The following BACE2 variants were observed in gnomAD, a reference collection of about 807,000 sequenced individuals.
The protein encoded by BACE2 is beta-secretase 2.
A neutral mutation model predicts 46.2 loss-of-function variants in BACE2; 17 were observed. That is an observed-to-expected ratio of 0.37 (90% CI 0.25 to 0.55). The LOEUF is 0.55. BACE2 is among the 20% of genes least tolerant of loss of function. The pLI is 0.82. For missense variants in BACE2, 595 were observed against 698.1 expected, an observed-to-expected ratio of 0.85 and a Z score of 1.66; for synonymous variants, 277 against 295.9, an observed-to-expected ratio of 0.94 and a Z score of 0.66.
chr21:41,171,252 A>G (rs1984598433), intron 1 of BACE2, among the ~76,000 whole-genome samples: 1 of 152,216 alleles, frequency 6.6e-6, no homozygotes, highest in Admixed American at 6.5e-5. Flanking sequence ...TGAATGAGCA[A>G]CAGAATGAAG....
chr21:41,185,038 A>G (rs1210280119), intron 1 of BACE2: 1 of 167,222 alleles, frequency 6.0e-6, no homozygotes. Flanking sequence ...AATTTGCTCC[A>G]ATAGCTTAAA....
At chr21:41,269,655 A>G (rs778585640) in intron 8 of BACE2, among the ~76,000 whole-genome samples, 24 of 152,220 alleles carry the variant, frequency 1.6e-4, no homozygotes, top group Admixed American at 5.2e-4. Flanking sequence ...AGGTTCATCT[A>G]TAATGTTTCA....
intron 1 of BACE2, among the ~76,000 whole-genome samples, chr21:41,197,428 A>G (rs1306931442): frequency 6.6e-6 from 1 of 152,124 alleles, no homozygotes; most frequent in Non-Finnish European, 1.5e-5. Context: ...AAAAATAAAC[A>G]CAAAACAGGT....
intron 8 of BACE2, among the ~76,000 whole-genome samples, chr21:41,261,490 A>G (rs1987933758): frequency 6.6e-6 from 1 of 152,066 alleles, no homozygotes; most frequent in Non-Finnish European, 1.5e-5. Flanking sequence ...TTTCTGAGGT[A>G]TTAGTTTTTC....
chr21:41,231,950 C>A (rs1336367160), intron 2 of BACE2, among the ~76,000 whole-genome samples: 1 of 151,520 alleles, frequency 6.6e-6, no homozygotes, highest in Non-Finnish European at 1.5e-5. Flanking sequence ...ATGAATGATT[C>A]TTCTCTGGGG....
At chr21:41,248,479 C>T (rs528502104) in intron 6 of BACE2, among the ~76,000 whole-genome samples, 8 of 152,348 alleles carry the variant, frequency 5.3e-5, no homozygotes, top group Admixed American at 2.6e-4. Context: ...TGTCCCGCTG[C>T]AGACCTGGCC....
Position 41,242,329 on chromosome 21 carries a change from T to C in BACE2, c.747+382T>C, listed in dbSNP as rs113469906. Reference sequence around the variant, plus strand: ...AATTTGGCAGGGAAACAGGGGCCCTTGTAGATCCTTTCTCTCTCTCTCTCT... The same window carrying C: ...AATTTGGCAGGGAAACAGGGGCCCTCGTAGATCCTTTCTCTCTCTCTCTCT... On this transcript the variant is annotated intron_variant, in intron 4 of 8. Coordinates refer to ENST00000330333, the MANE Select transcript of BACE2 (RefSeq NM_012105.5). Among the ~76,000 whole-genome samples, 389 of 139,964 alleles carry C rather than the reference T, an allele frequency of 2.8e-3. 2 individuals are homozygous for C. Among genetic ancestry groups the C allele is most frequent in the Non-Finnish European group, 5.0e-3 (315 of 63,090 alleles). 91.8% of individuals were successfully genotyped at this position (139,964 alleles called of 152,430 possible). A position where few individuals can be genotyped will look rare whatever the true frequency, so the allele number is the denominator to read the frequency against.
intron 5 of BACE2, 46 bp from the exon 6 acceptor site, chr21:41,245,916 G>A: frequency 6.8e-7 from 1 of 1,469,140 alleles, no homozygotes; most frequent in Non-Finnish European, 9.3e-7. Context: ...GGGGCGGGGA[G>A]CGCCACTGTC....
Position 41,220,504 on chromosome 21 carries a change from T to G in BACE2, c.313-5762T>G, listed in dbSNP as rs575682919. On this transcript the variant is annotated intron_variant, in intron 1 of 8. Coordinates refer to ENST00000330333, the MANE Select transcript of BACE2 (RefSeq NM_012105.5). Reference sequence around the variant, plus strand: ...TCACAGCATACAAAAACACATCACTTTGGAGATTCCAGAGATTTTAGGAGT... The same window carrying G: ...TCACAGCATACAAAAACACATCACTGTGGAGATTCCAGAGATTTTAGGAGT... Among the ~76,000 whole-genome samples the G allele has an allele frequency of 3.8e-3, 576 of 152,200 alleles. 2 individuals are homozygous for G. The highest frequency in any genetic ancestry group is 0.013 in the African/African-American group (523 of 41,520).
chr21:41,208,035 G>A (rs748743034), intron 1 of BACE2, among the ~76,000 whole-genome samples: 44 of 152,134 alleles, frequency 2.9e-4, no homozygotes, highest in African/African-American at 8.0e-4. Flanking sequence ...AGCTCATACC[G>A]CTAGGGCCTT....
intron 1 of BACE2, among the ~76,000 whole-genome samples, chr21:41,214,888 A>C (rs1310065480): frequency 2.0e-5 from 3 of 151,992 alleles, no homozygotes; most frequent in Non-Finnish European, 2.9e-5. Flanking sequence ...ACAGGGGCAC[A>C]GAAGCCTTGG....
At chr21:41,170,912 C>T (rs577387982) in intron 1 of BACE2, among the ~76,000 whole-genome samples, 1 of 152,294 alleles carries the variant, frequency 6.6e-6, no homozygotes, top group East Asian at 1.9e-4. Context: ...ACCCACCACC[C>T]CTCGGGGGTC....
At chr21:41,264,632 C>A (rs1407047191) in intron 8 of BACE2, among the ~76,000 whole-genome samples, 2 of 151,900 alleles carry the variant, frequency 1.3e-5, no homozygotes, top group Non-Finnish European at 2.9e-5. Context: ...TTTCAGACAA[C>A]CATATCTTGT....
chr21:41,253,728 A>C (rs554696853), intron 7 of BACE2, among the ~76,000 whole-genome samples: 5 of 152,362 alleles, frequency 3.3e-5, no homozygotes, highest in African/African-American at 1.2e-4. Context: ...GCTCAGGAGC[A>C]GAATGAGAGG....
chr21:41,243,569 G>T (rs1471517696), intron 5 of BACE2, 59 bp downstream of exon 5: 2 of 1,498,612 alleles, frequency 1.3e-6, no homozygotes, highest in Non-Finnish European at 1.8e-6. Context: ...CCTTAAATAT[G>T]CCAGCTGGAA....
chr21:41,250,982 C>T (rs1045525353), intron 7 of BACE2, 81 bp downstream of exon 7: 1 of 1,314,964 alleles, frequency 7.6e-7, no homozygotes, highest in African/African-American at 1.4e-5. Context: ...TATTAGATGT[C>T]ACACCTGCAT....
At position 41,243,479 on chromosome 21, in the gene BACE2, G is replaced by T; in HGVS notation, c.851G>T (p.Gly284Val). ...ATAGAAATTCTGAAATTGGAAATTG[G>T]AGGCCAAAGCCTTAATCTGGACTGC... ...YQIEILKLEIGGQSLNLDCRE... is the reference protein window; with the variant it reads ...YQIEILKLEIVGQSLNLDCRE... The change falls in exon 5 of 9, where the codon GGA becomes GTA. Residue 284 changes from glycine to valine, a missense_variant. Coordinates refer to ENST00000330333, the MANE Select transcript of BACE2 (RefSeq NM_012105.5). The T allele has an allele frequency of 6.2e-7, 1 of 1,612,738 alleles. No individual in the cohort carries two copies. Among genetic ancestry groups the T allele is most frequent in the Non-Finnish European group, 8.5e-7 (1 of 1,179,464 alleles).
intron 1 of BACE2, among the ~76,000 whole-genome samples, chr21:41,218,577 C>A (rs1393678651): frequency 6.6e-6 from 1 of 152,038 alleles, no homozygotes; most frequent in Non-Finnish European, 1.5e-5. Context: ...ATATGGGTAT[C>A]AAAAACAAAT....
chr21:41,198,306 T>A (rs775030685), intron 1 of BACE2, among the ~76,000 whole-genome samples: 3 of 152,170 alleles, frequency 2.0e-5, no homozygotes, highest in Non-Finnish European at 2.9e-5. Context: ...AATATATATT[T>A]TTTGATGGGC....
Sources: allele counts gnomAD v4.1 joint callset (sites outside exome capture counted in the v4.1 genomes callset), GRCh38; gene constraint gnomAD v4.1.1; transcripts MANE v1.5; gene names NCBI Gene and HGNC (gene_info 2026-07-23, HGNC 2026-07-21).